The following GSE1 variants were observed in gnomAD, a reference collection of about 807,000 sequenced individuals.
GSE1 encodes the protein genetic suppressor element 1.
In GSE1, 32 loss-of-function variants were observed where a neutral mutation model predicts 112.6. The observed-to-expected ratio is 0.28, with a 90% CI of 0.21 to 0.38. The LOEUF is 0.38. Ranked by LOEUF, GSE1 falls within the 10% of genes least tolerant of loss-of-function variation. The pLI is 1.00. For missense variants in GSE1, 2,348 were observed against 1,699.2 expected (o/e 1.38, Z -6.71); for synonymous variants, 1,115 against 735.6 (o/e 1.52, Z -8.35).
intron 3 of GSE1, among the ~76,000 whole-genome samples, chr16:85,651,645 C>T (rs2051366484): frequency 6.6e-6 from 1 of 152,174 alleles, no homozygotes; most frequent in Admixed American, 6.5e-5. Context: ...GTAGTTTGAC[C>T]CTGGGTGCTG....
intron 1 of GSE1, among the ~76,000 whole-genome samples, chr16:85,173,587 G>A (rs2074401783): frequency 6.6e-6 from 1 of 152,162 alleles, no homozygotes; most frequent in African/African-American, 2.4e-5. Flanking sequence ...TTTTATACCT[G>A]GCAGTGGTGT....
At chr16:85,514,673 A>G (rs1302336828) in intron 2 of GSE1, among the ~76,000 whole-genome samples, 1 of 152,206 alleles carries the variant, frequency 6.6e-6, no homozygotes, top group African/African-American at 2.4e-5. Context: ...CTCTATTGCC[A>G]GAAACCTCTC....
In GSE1 at chr16:85,635,725, G is replaced by A. The variant is rs575313543; in HGVS notation, c.226+1593G>A. On this transcript the variant is annotated intron_variant, in intron 2 of 15. Coordinates refer to ENST00000253458, the MANE Select transcript of GSE1 (RefSeq NM_014615.5). ...CCACGGGCGGCACGTGACTGGCGCT[G>A]GTGCTACCTGGGCTGGGTTATCCTT... 1.4e-4 allele frequency among the ~76,000 whole-genome samples: 22 copies of A among 152,342 alleles called. 1 individual carries two copies. Among genetic ancestry groups the A allele is most frequent in the East Asian group, 5.8e-4 (3 of 5,186 alleles).
At chr16:85,554,911 A>G (rs2045122465), upstream of GSE1, 19 of 985,290 alleles carry the variant, frequency 1.9e-5, no homozygotes, top group Non-Finnish European at 2.2e-5. Flanking sequence ...AGCGAAGGGG[A>G]GCACCCTGCC....
At chr16:85,399,145 G>A (rs1181222447) in intron 2 of GSE1, among the ~76,000 whole-genome samples, 1 of 152,180 alleles carries the variant, frequency 6.6e-6, no homozygotes, top group African/African-American at 2.4e-5. Flanking sequence ...CGTGGCTTGT[G>A]TGTGTCTGTA....
At chr16:85,355,378 C>G (rs1335586628) in intron 1 of GSE1, among the ~76,000 whole-genome samples, 1 of 152,200 alleles carries the variant, frequency 6.6e-6, no homozygotes, top group Non-Finnish European at 1.5e-5. Flanking sequence ...TAGCTCACAA[C>G]CTCACCAGAC....
intron 2 of GSE1, among the ~76,000 whole-genome samples, chr16:85,638,166 G>A (rs948382913): frequency 2.0e-5 from 3 of 152,334 alleles, no homozygotes; most frequent in South Asian, 4.2e-4. Flanking sequence ...GATTGCCTCC[G>A]CGTCTCTCCT....
chr16:85,250,734 T>A (rs1906379011), intron 1 of GSE1, among the ~76,000 whole-genome samples: 1 of 152,160 alleles, frequency 6.6e-6, no homozygotes, highest in Non-Finnish European at 1.5e-5. Context: ...TTTGAGGATA[T>A]TCACAGAGTT....
At chr16:85,445,336 C>A (rs1278734034) in intron 2 of GSE1, among the ~76,000 whole-genome samples, 1 of 152,240 alleles carries the variant, frequency 6.6e-6, no homozygotes, top group Non-Finnish European at 1.5e-5. Flanking sequence ...CGAACCCCCC[C>A]ACTCTGCAAA....
At chr16:85,219,718 G>A (rs997092359) in intron 1 of GSE1, among the ~76,000 whole-genome samples, 2 of 152,254 alleles carry the variant, frequency 1.3e-5, no homozygotes, top group African/African-American at 4.8e-5. Context: ...TTCTTCTTGC[G>A]TTTTCCAGAA....
In GSE1 at chr16:85,311,379, C is replaced by G. The variant is rs535520562; in HGVS notation, c.2284-46084C>G. Among the ~76,000 whole-genome samples, 11 of 152,346 alleles carry G rather than the reference C, an allele frequency of 7.2e-5. No individual in the cohort carries two copies. Among genetic ancestry groups the G allele is most frequent in the African/African-American group, 2.4e-4 (10 of 41,584 alleles). On this transcript the variant is annotated intron_variant, in intron 1 of 2. Transcript: ENST00000637419. The surrounding 1 kb of genome is among the most constrained non-coding windows in gnomAD (Gnocchi z 4.2). Reference sequence around the variant, plus strand: ...AAGACTGTGCAGTTCTAAACCAGCTCTGGTGCAGACAGCCCAGGTCAGCAG... The same window carrying G: ...AAGACTGTGCAGTTCTAAACCAGCTGTGGTGCAGACAGCCCAGGTCAGCAG...
chr16:85,562,513 G>C (rs551863712), intron 1 of GSE1, among the ~76,000 whole-genome samples: 16 of 152,356 alleles, frequency 1.1e-4, no homozygotes, highest in African/African-American at 3.8e-4. Flanking sequence ...TACTCTGGGA[G>C]CAAATGGTCA....
chr16:85,668,672 C>A (rs1031149712), intron 14 of GSE1, among the ~76,000 whole-genome samples: 3 of 152,186 alleles, frequency 2.0e-5, no homozygotes, highest in Admixed American at 2.0e-4. Context: ...ACCTGTCATT[C>A]TTTATGTGGG....
At chr16:85,474,856 A>T (rs1375579325) in intron 2 of GSE1, among the ~76,000 whole-genome samples, 1 of 152,060 alleles carries the variant, frequency 6.6e-6, no homozygotes, top group Non-Finnish European at 1.5e-5. Flanking sequence ...GTTGCTTTTC[A>T]TACTTCACCC....
intron 3 of GSE1, among the ~76,000 whole-genome samples, chr16:85,649,012 G>A (rs11861015): frequency 0.34 from 52,226 of 151,912 alleles, 9,683 homozygotes; most frequent in East Asian, 0.64. Context: ...ATTTTCTCCT[G>A]TTCTGGAGGC....
At chr16:85,633,123 C>G (rs917241431) in intron 1 of GSE1, among the ~76,000 whole-genome samples, 3 of 152,220 alleles carry the variant, frequency 2.0e-5, no homozygotes, top group Admixed American at 1.3e-4. Context: ...CAAGCTGCAC[C>G]GCGGTTTGGA....
upstream of GSE1, chr16:85,554,784 AGGGAGGGAGGACGGAC>A: frequency 8.8e-6 from 4 of 455,224 alleles, no homozygotes; most frequent in Non-Finnish European, 9.7e-6. Flanking sequence ...GTGGGGGGGG[AGGGAGGGAGGACGGAC>A]GGGCGGGCGG....
chr16:85,643,209 TC>T (rs2050585522), intron 2 of GSE1, among the ~76,000 whole-genome samples: 1 of 152,170 alleles, frequency 6.6e-6, no homozygotes, highest in Non-Finnish European at 1.5e-5. Context: ...CCTCTTGTCA[TC>T]TCCAATCCAG....
At chr16:85,206,762 A>T (rs1392956152) in intron 1 of GSE1, among the ~76,000 whole-genome samples, 1 of 151,504 alleles carries the variant, frequency 6.6e-6, no homozygotes, top group Non-Finnish European at 1.5e-5. Context: ...GGAAGCTTCT[A>T]GGCCGCCAGG....
Sources: allele counts gnomAD v4.1 joint callset (sites outside exome capture counted in the v4.1 genomes callset), GRCh38; gene constraint gnomAD v4.1.1; non-coding constraint Gnocchi (gnomAD v3.1); transcripts MANE v1.5; gene names NCBI Gene and HGNC (gene_info 2026-07-23, HGNC 2026-07-21).